The following DYNLT5 variants were observed in gnomAD, a reference collection of about 807,000 sequenced individuals.
DYNLT5 encodes dynein light chain Tctex-type family member 5.
In DYNLT5, 25 loss-of-function variants were observed where a neutral mutation model predicts 19.3. The observed-to-expected ratio is 1.30, with a 90% CI of 0.95 to 1.81. The LOEUF is 1.81. Among genes scored for constraint, DYNLT5 ranks in the 40% most tolerant of loss-of-function variants. The pLI is 0.00. For synonymous variants in DYNLT5, 82 were observed against 68.9 expected, an observed-to-expected ratio of 1.19 and a Z score of -0.94; for missense variants, 232 against 217.9, an observed-to-expected ratio of 1.06 and a Z score of -0.41.
intron 3 of DYNLT5, chr1:66,770,771 A>G (rs1016515298): frequency 2.3e-6 from 1 of 440,860 alleles, no homozygotes; most frequent in African/African-American, 2.0e-5. Context: ...TTCTGGGTAC[A>G]TAGATATGAC....
chr1:66,773,312 T>C (rs573306865), intron 3 of DYNLT5, among the ~76,000 whole-genome samples: 6 of 152,092 alleles, frequency 3.9e-5, no homozygotes, highest in African/African-American at 1.2e-4. Flanking sequence ...ATCCAAAATA[T>C]TGAGAGAGAA....
Position 66,777,487 on chromosome 1 carries a change from A to G in DYNLT5, c.*33A>G. The stretch of plus-strand genomic sequence containing the variant: ...TAAGAAATCTAGCTCTTACTTTTGA[A>G]AATTCTGAGGCAGGCTGTATGTCTG... On this transcript the variant is annotated 3_prime_UTR_variant, in exon 5 of 5. Transcript: ENST00000282670. 6.3e-7 allele frequency: 1 copy of G among 1,596,938 alleles called. No individual in the cohort carries two copies. Among genetic ancestry groups the G allele is most frequent in the Non-Finnish European group, 8.6e-7 (1 of 1,168,886 alleles).
Position 66,770,448 on chromosome 1 carries a change from A to G in DYNLT5, c.181A>G (p.Thr61Ala). The G allele has an allele frequency of 6.2e-7, 1 of 1,613,508 alleles. No homozygotes were observed. The highest frequency in any genetic ancestry group is 8.5e-7 in the Non-Finnish European group (1 of 1,179,598). ...PSQRDDISRL[T>A]VQMENTYQLG... The stretch of plus-strand genomic sequence containing the variant: ...TCAGCGTGATGATATCTCTCGCCTT[A>G]CAGTTCAGATGGAAAACACCTATCA... Residue 61 changes from threonine (T) to alanine (A), a missense_variant, in exon 3 of 5, where the codon ACA (threonine) becomes GCA (alanine). Coordinates refer to ENST00000282670, the MANE Select transcript of DYNLT5 (RefSeq NM_152665.3).
intron 4 of DYNLT5, among the ~76,000 whole-genome samples, chr1:66,776,908 A>T (rs763224591): frequency 6.6e-6 from 1 of 152,210 alleles, no homozygotes; most frequent in Non-Finnish European, 1.5e-5. Context: ...TTAGACATGA[A>T]CAAGACAGTG....
Position 66,754,729 on chromosome 1 carries a change from T to C in DYNLT5, c.71T>C (p.Leu24Pro). 6.2e-7 allele frequency: 1 copy of C among 1,613,378 alleles called. No individual in the cohort carries two copies. Among genetic ancestry groups the C allele is most frequent in the Non-Finnish European group, 8.5e-7 (1 of 1,179,758 alleles). ...SWKKRGSISS[L>P]SNHEFWRKEI... The stretch of plus-strand genomic sequence containing the variant: ...AAGAAAAGAGGGAGTATTTCTTCTC[T>C]AAGTAATCATGAATTTTGGCGAAAG... Residue 24 changes from leucine to proline, a missense_variant, in exon 2 of 5, where the codon CTA becomes CCA. Physicochemically the swap from Leu to Pro is moderately conservative, Grantham distance 98 (BLOSUM62 -3). Transcript: ENST00000282670.
chr1:66,753,990 G>A (rs950357617), intron 1 of DYNLT5, among the ~76,000 whole-genome samples: 1 of 151,234 alleles, frequency 6.6e-6, no homozygotes, highest in Non-Finnish European at 1.5e-5. Context: ...GCTCATGCCT[G>A]TAATCCCAGC....
intron 2 of DYNLT5, among the ~76,000 whole-genome samples, chr1:66,766,965 A>G (rs1357285437): frequency 6.6e-6 from 1 of 152,084 alleles, no homozygotes; most frequent in Non-Finnish European, 1.5e-5. Context: ...GAGGGGAACG[A>G]CAGATACTGG....
intron 2 of DYNLT5, 121 bp downstream of exon 2, chr1:66,754,898 G>T: frequency 2.9e-6 from 3 of 1,047,482 alleles, no homozygotes; most frequent in Non-Finnish European, 3.8e-6. Context: ...AGTACAAGGT[G>T]CAGGTCATCT....
intron 4 of DYNLT5, among the ~76,000 whole-genome samples, 157 bp downstream of exon 4, chr1:66,776,560 G>GTGT: frequency 7.9e-6 from 1 of 126,692 alleles, no homozygotes; most frequent in African/African-American, 2.8e-5. Context: ...TGTGTGTGTG[G>GTGT]GTGTGTGTGT....
At chr1:66,763,553 C>T (rs1212653958) in intron 2 of DYNLT5, among the ~76,000 whole-genome samples, 1 of 152,188 alleles carries the variant, frequency 6.6e-6, no homozygotes, top group Non-Finnish European at 1.5e-5. Context: ...TTAGCTTATC[C>T]GATGATCTTA....
At chr1:66,771,386 C>T (rs1190706125) in intron 3 of DYNLT5, among the ~76,000 whole-genome samples, 1 of 152,224 alleles carries the variant, frequency 6.6e-6, no homozygotes, top group Non-Finnish European at 1.5e-5. Flanking sequence ...ACCAACATCA[C>T]CACTTTTGAT....
At chr1:66,772,324 G>C (rs991028454) in intron 3 of DYNLT5, among the ~76,000 whole-genome samples, 7 of 152,146 alleles carry the variant, frequency 4.6e-5, no homozygotes, top group African/African-American at 1.7e-4. Flanking sequence ...GCAAGAGAGG[G>C]AACAAGAGAG....
intron 2 of DYNLT5, among the ~76,000 whole-genome samples, chr1:66,770,047 T>C (rs1372379486): frequency 6.6e-6 from 1 of 152,106 alleles, no homozygotes; most frequent in Non-Finnish European, 1.5e-5. Flanking sequence ...TTTATATCAG[T>C]GGTGGAGATG....
chr1:66,776,702 T>A (rs1310840795), intron 4 of DYNLT5, among the ~76,000 whole-genome samples: 6 of 152,170 alleles, frequency 3.9e-5, no homozygotes, highest in Admixed American at 3.9e-4. Context: ...TTAATGATTA[T>A]TTTCTCTTCA....
In DYNLT5 at chr1:66,777,622, AG is replaced by A. The variant is rs1452810238; in HGVS notation, c.*171del. The A allele has an allele frequency of 1.9e-6, 1 of 526,798 alleles. No individual in the cohort carries two copies. Among genetic ancestry groups the A allele is most frequent in the Non-Finnish European group, 3.3e-6 (1 of 307,534 alleles). 32.6% of individuals were successfully genotyped at this position (526,798 alleles called of 1,614,324 possible). ...ATTCTAGTAAAGATTTGGGGAGGGG[AG>A]GGTAGCCACAGAAAGAATCTTGTTT... On this transcript the variant is annotated 3_prime_UTR_variant, in exon 5 of 5. Coordinates refer to ENST00000282670, the MANE Select transcript of DYNLT5 (RefSeq NM_152665.3).
chr1:66,763,889 C>T (rs2094650076), intron 2 of DYNLT5, among the ~76,000 whole-genome samples: 1 of 152,126 alleles, frequency 6.6e-6, no homozygotes, highest in Non-Finnish European at 1.5e-5. Flanking sequence ...TTTTAATTTC[C>T]TTCAAGAACT....
chr1:66,753,479 G>A (rs1275901844), intron 1 of DYNLT5, among the ~76,000 whole-genome samples: 1 of 152,182 alleles, frequency 6.6e-6, no homozygotes, highest in Non-Finnish European at 1.5e-5. Flanking sequence ...AGGAAGGAGG[G>A]AGTTTTCCAA....
At chr1:66,776,848 C>T (rs1645238802) in intron 4 of DYNLT5, among the ~76,000 whole-genome samples, 1 of 152,122 alleles carries the variant, frequency 6.6e-6, no homozygotes, top group South Asian at 2.1e-4. Context: ...CTTTAATAAA[C>T]ATTAATGATT....
Position 66,754,785 on chromosome 1 carries a change from A to G in DYNLT5, c.119+8A>G. 6.2e-7 allele frequency: 1 copy of G among 1,606,492 alleles called. No homozygotes were observed. Among genetic ancestry groups the G allele is most frequent in the Non-Finnish European group, 8.5e-7 (1 of 1,177,714 alleles). On this transcript the variant is annotated splice_region_variant and intron_variant, in intron 2 of 4. Coordinates refer to ENST00000282670, the MANE Select transcript of DYNLT5 (RefSeq NM_152665.3). Reference sequence around the variant, plus strand: ...TCATGGGCGCATCAAAGAGTGAGTAACTGTCTAAAATTGTAAATTCATTTA... The same window carrying G: ...TCATGGGCGCATCAAAGAGTGAGTAGCTGTCTAAAATTGTAAATTCATTTA...
Sources: gnomAD v4.1 joint callset for allele counts (sites outside exome capture counted in the v4.1 genomes callset) on GRCh38, gnomAD v4.1.1 for gene constraint, MANE v1.5 for transcripts, NCBI Gene and HGNC (gene_info 2026-07-23, HGNC 2026-07-21) for gene names.